FRMD4A: variants seen among roughly 807,000 people sequenced by gnomAD.
The protein encoded by FRMD4A is FERM domain-containing protein 4A.
A neutral mutation model predicts 129.1 loss-of-function variants in FRMD4A; 29 were observed. The ratio of observed to expected loss-of-function variants is 0.22; its 90% CI spans 0.17 to 0.31. The LOEUF (loss-of-function observed/expected upper bound fraction) is 0.31. Among genes scored for constraint, FRMD4A ranks in the 10% least tolerant of loss-of-function variants. The pLI is 1.00. For missense variants in FRMD4A, 1,272 were observed against 1,375.8 expected, an observed-to-expected ratio of 0.92 and a Z score of 1.19; for synonymous variants, 634 against 571.6, an observed-to-expected ratio of 1.11 and a Z score of -1.56.
chr10:13,926,050 G>T (rs950554699), intron 2 of FRMD4A, among the ~76,000 whole-genome samples: 1 of 152,132 alleles, frequency 6.6e-6, no homozygotes, highest in Admixed American at 6.5e-5. Flanking sequence ...ATCGTGTGTG[G>T]TTCAAGGAGG....
At chr10:14,100,975 G>C (rs778143640) in intron 2 of FRMD4A, among the ~76,000 whole-genome samples, 21 of 152,116 alleles carry the variant, frequency 1.4e-4, no homozygotes. Flanking sequence ...GTGTGGGTTG[G>C]ATGGAGCTGT....
chr10:14,096,487 G>A (rs979573578), intron 2 of FRMD4A, among the ~76,000 whole-genome samples: 1 of 152,232 alleles, frequency 6.6e-6, no homozygotes, highest in Admixed American at 6.5e-5. Flanking sequence ...GATGTAGGGA[G>A]CTCAGATGTG....
At chr10:13,757,692 A>G (rs2091919738) in intron 8 of FRMD4A, among the ~76,000 whole-genome samples, 1 of 152,192 alleles carries the variant, frequency 6.6e-6, no homozygotes, top group Non-Finnish European at 1.5e-5. Flanking sequence ...TACGGTTCAC[A>G]GTTGTCTTTA....
At chr10:14,264,895 C>A (rs12220714) in intron 2 of FRMD4A, among the ~76,000 whole-genome samples, 7,584 of 152,284 alleles carry the variant, frequency 0.05, 218 homozygotes, top group South Asian at 0.12. Context: ...GACTCTCCTG[C>A]TTCAGCCTCC....
intron 2 of FRMD4A, among the ~76,000 whole-genome samples, chr10:14,022,855 C>A (rs956131545): frequency 1.3e-5 from 2 of 152,060 alleles, no homozygotes; most frequent in African/African-American, 2.4e-5. Flanking sequence ...GAGGAGCCTG[C>A]GGGTAGGGGA....
chr10:13,732,989 C>T (rs1227962461), intron 12 of FRMD4A, among the ~76,000 whole-genome samples: 2 of 152,208 alleles, frequency 1.3e-5, no homozygotes, highest in Admixed American at 1.3e-4. Flanking sequence ...AGAAGGCCTG[C>T]AGGGGGCTGT....
intron 2 of FRMD4A, among the ~76,000 whole-genome samples, chr10:14,327,707 A>C (rs985362778): frequency 6.6e-6 from 1 of 152,220 alleles, no homozygotes; most frequent in Non-Finnish European, 1.5e-5. Flanking sequence ...CCTACCCCTT[A>C]GCCCCGATGA....
At chr10:14,216,127 T>C (rs1485598138) in intron 2 of FRMD4A, among the ~76,000 whole-genome samples, 1 of 152,152 alleles carries the variant, frequency 6.6e-6, no homozygotes, top group African/African-American at 2.4e-5. Flanking sequence ...CCACCAGCTT[T>C]GTACAAACTG....
At chr10:13,738,080 A>T (rs150228311) in intron 11 of FRMD4A, 150 bp from the exon 12 acceptor site, 2 of 622,978 alleles carry the variant, frequency 3.2e-6, no homozygotes, top group Non-Finnish European at 2.9e-6. Flanking sequence ...TTCTTAACAG[A>T]TGCGTCTGTC....
At chr10:13,849,605 C>T (rs151333556) in intron 3 of FRMD4A, among the ~76,000 whole-genome samples, 5,515 of 151,526 alleles carry the variant, frequency 0.036, 167 homozygotes, top group Non-Finnish European at 0.054. Flanking sequence ...CTCAGCCTCC[C>T]GAGTAGCTGG....
intron 3 of FRMD4A, among the ~76,000 whole-genome samples, chr10:13,825,694 C>A (rs1271063283): frequency 6.6e-6 from 1 of 152,154 alleles, no homozygotes; most frequent in East Asian, 1.9e-4. Flanking sequence ...TTGTCCTGGG[C>A]AGGGTGGAGC....
intron 2 of FRMD4A, among the ~76,000 whole-genome samples, chr10:14,204,732 G>A (rs1157331720): frequency 2.0e-5 from 3 of 151,972 alleles, no homozygotes; most frequent in African/African-American, 4.8e-5. Context: ...ATACTTAATC[G>A]GAGCCTGGAG....
At chr10:14,222,828 T>C (rs1434205296) in intron 2 of FRMD4A, among the ~76,000 whole-genome samples, 5 of 152,196 alleles carry the variant, frequency 3.3e-5, no homozygotes. Flanking sequence ...ATGCCTGTAA[T>C]CCCAGCACTT....
At chr10:13,973,769 G>C (rs2095530166) in intron 2 of FRMD4A, among the ~76,000 whole-genome samples, 1 of 119,444 alleles carries the variant, frequency 8.4e-6, no homozygotes, top group Non-Finnish European at 1.5e-5. Flanking sequence ...GAGGAAGGCA[G>C]GGAGGGAGGG....
At chr10:14,098,015 TATTATATAAATTATAG>T (rs1837079199) in intron 2 of FRMD4A, among the ~76,000 whole-genome samples, 1 of 87,254 alleles carries the variant, frequency 1.1e-5, no homozygotes, top group South Asian at 3.9e-4. Flanking sequence ...ATAAATTATA[TATTATATAAATTATAG>T]ATTATATATA....
At chr10:13,752,565 C>G (rs141657845) in intron 8 of FRMD4A, among the ~76,000 whole-genome samples, 1 of 152,166 alleles carries the variant, frequency 6.6e-6, no homozygotes, top group Non-Finnish European at 1.5e-5. Context: ...TAAAACCAGT[C>G]GTTTCTGTCT....
chr10:14,185,467 A>G (rs930917017), intron 2 of FRMD4A, among the ~76,000 whole-genome samples: 2 of 152,256 alleles, frequency 1.3e-5, no homozygotes, highest in Admixed American at 1.3e-4. Flanking sequence ...TTAGTACAAA[A>G]AACATTACAA....
intron 2 of FRMD4A, among the ~76,000 whole-genome samples, chr10:14,234,341 C>G (rs11258962): frequency 0.06 from 9,076 of 152,178 alleles, 370 homozygotes; most frequent in South Asian, 0.18. Flanking sequence ...TCACACTGAC[C>G]AAAACATCAG....
intron 2 of FRMD4A, among the ~76,000 whole-genome samples, chr10:14,288,605 T>C (rs1421423224): frequency 2.0e-5 from 3 of 152,352 alleles, no homozygotes; most frequent in East Asian, 3.9e-4. Flanking sequence ...AAAATTGTTA[T>C]TGTGCTAAGA....
Sources: gnomAD v4.1 joint callset for allele counts (sites outside exome capture counted in the v4.1 genomes callset) on GRCh38, gnomAD v4.1.1 for gene constraint, MANE v1.5 for transcripts, NCBI Gene and HGNC (gene_info 2026-07-23, HGNC 2026-07-21) for gene names.